PPP4R3B: variants seen among roughly 807,000 people sequenced by gnomAD.
PPP4R3B encodes protein phosphatase 4 regulatory subunit 3B.
A neutral mutation model predicts 95.4 loss-of-function variants in PPP4R3B; 52 were observed. The ratio of observed to expected loss-of-function variants is 0.54; its 90% confidence interval spans 0.44 to 0.69. The LOEUF is 0.69. PPP4R3B is among the 30% of genes least tolerant of loss of function. The pLI is 0.00. For synonymous variants in PPP4R3B, 407 were observed against 343.9 expected (o/e 1.18, Z -2.03); for missense variants, 1,003 against 1,005.9 (o/e 1.00, Z 0.04).
chr2:55,563,044 C>T (rs1314186070), intron 15 of PPP4R3B, among the ~76,000 whole-genome samples: 1 of 152,190 alleles, frequency 6.6e-6, no homozygotes, highest in Admixed American at 6.5e-5. Context: ...TTAACAGCAT[C>T]TCACTCAACA....
rs1689961248 is a variant in PPP4R3B at position 55,585,032 on chromosome 2, C to T, written c.1233+19G>A. 1.9e-6 allele frequency: 3 copies of T among 1,557,468 alleles called. No homozygotes were observed. The highest frequency in any genetic ancestry group is 2.3e-5 in the East Asian group (1 of 44,422). ...CACTCTACAGGTAATTCACATAGAACCACAGCATTATTACTTACGTCATCA... is the reference window on the plus strand; with the variant it reads ...CACTCTACAGGTAATTCACATAGAATCACAGCATTATTACTTACGTCATCA... On this transcript the variant is annotated intron_variant, in intron 7 of 16. Coordinates refer to ENST00000616407, the MANE Select transcript of PPP4R3B (RefSeq NM_001122964.3).
At position 55,585,136 on chromosome 2, in the gene PPP4R3B, G is replaced by C; in HGVS notation, c.1148C>G (p.Ala383Gly). Residue 383 changes from alanine to glycine, a missense_variant, in exon 7 of 17, where the codon GCT (alanine) becomes GGT (glycine). Coordinates refer to ENST00000616407, the MANE Select transcript of PPP4R3B (RefSeq NM_001122964.3). ...TACTAGATAAGAAAATATATCTGTAGCAGCTGATCTGACTTGCAAATCATC... is the reference window on the plus strand; with the variant it reads ...TACTAGATAAGAAAATATATCTGTACCAGCTGATCTGACTTGCAAATCATC... Reference protein sequence around the residue: ...GMDDLQVRSAATDIFSYLVEF... With the variant: ...GMDDLQVRSAGTDIFSYLVEF... The C allele has an allele frequency of 6.2e-7, 1 of 1,610,018 alleles. No homozygotes were observed. The highest frequency in any genetic ancestry group is 8.5e-7 in the Non-Finnish European group (1 of 1,178,494).
At chr2:55,612,854 G>A (rs782587) in intron 2 of PPP4R3B, among the ~76,000 whole-genome samples, 68,344 of 151,588 alleles carry the variant, frequency 0.45, 16,167 homozygotes, top group Non-Finnish European at 0.51. Context: ...GCTGAGGCAG[G>A]AGAATGGTGT....
intron 16 of PPP4R3B, among the ~76,000 whole-genome samples, chr2:55,550,384 C>T (rs1172042396): frequency 6.6e-6 from 1 of 152,148 alleles, no homozygotes; most frequent in Non-Finnish European, 1.5e-5. Flanking sequence ...CACAAGAAAG[C>T]CCCTTGTAGT....
intron 2 of PPP4R3B, 117 bp from the exon 3 acceptor site, chr2:55,604,193 T>C (rs1693066518): frequency 1.6e-6 from 1 of 615,688 alleles, no homozygotes; most frequent in South Asian, 2.9e-5. Context: ...CCGATATGAG[T>C]AATCAATGTA....
chr2:55,585,949 T>C (rs1469262489), intron 6 of PPP4R3B, among the ~76,000 whole-genome samples: 1 of 117,222 alleles, frequency 8.5e-6, no homozygotes, highest in Admixed American at 7.4e-5. Context: ...CTGTGTGACA[T>C]GATATCACCA....
Position 55,547,831 on chromosome 2 carries a change from T to A in PPP4R3B, c.*2080A>T, listed in dbSNP as rs150373068. On this transcript the variant is annotated 3_prime_UTR_variant, in exon 17 of 17. Transcript: ENST00000616407. Reference sequence around the variant, plus strand: ...CAGCTACTCAGGCTGAGGCAGAGAATTGCTTGAACCCAGGTGGCGGATGTT... The same window carrying A: ...CAGCTACTCAGGCTGAGGCAGAGAAATGCTTGAACCCAGGTGGCGGATGTT... 6.6e-6 allele frequency: 1 copy of A among 152,136 alleles called. No homozygotes were observed. Among genetic ancestry groups the A allele is most frequent in the Admixed American group, 6.5e-5 (1 of 15,276 alleles). The allele number at this position is 152,136 out of a possible 1,614,324, so 9.4% of individuals were successfully genotyped here.
chr2:55,552,922 A>C (rs1167432272), intron 16 of PPP4R3B, among the ~76,000 whole-genome samples: 5 of 152,148 alleles, frequency 3.3e-5, no homozygotes, highest in Non-Finnish European at 2.9e-5. Flanking sequence ...GATTTGTCTT[A>C]AGAAAACCCC....
chr2:55,574,131 G>A lies in PPP4R3B; in HGVS notation c.1607-354C>T, dbSNP rs577092545. Among the ~76,000 whole-genome samples, 12 of 151,446 alleles carry A rather than the reference G, an allele frequency of 7.9e-5. 1 individual carries two copies. The highest frequency in any genetic ancestry group is 7.4e-5 in the Non-Finnish European group (5 of 67,872). On this transcript the variant is annotated intron_variant, in intron 11 of 16. Transcript: ENST00000616407. ...TGGTCTCAAACTCCTGGACTCAAGC[G>A]ATGCTCTCACCTGAGCCTCCCAAAG... is the stretch of plus-strand genomic sequence containing the variant.
intron 16 of PPP4R3B, among the ~76,000 whole-genome samples, chr2:55,551,664 T>C (rs756193382): frequency 3.0e-4 from 45 of 151,486 alleles, no homozygotes; most frequent in Admixed American, 9.9e-4. Flanking sequence ...GGCAGGAGAA[T>C]TGCTTGAACC....
At chr2:55,574,151 C>G (rs1216115857) in intron 11 of PPP4R3B, among the ~76,000 whole-genome samples, 1 of 151,688 alleles carries the variant, frequency 6.6e-6, no homozygotes, top group Non-Finnish European at 1.5e-5. Flanking sequence ...CCTGAGCCTC[C>G]CAAAGTGCTG....
At chr2:55,590,489 T>G (rs1690857768) in intron 4 of PPP4R3B, among the ~76,000 whole-genome samples, 1 of 152,192 alleles carries the variant, frequency 6.6e-6, no homozygotes, top group Non-Finnish European at 1.5e-5. Context: ...AGTGATTTTC[T>G]TTTTGGTTAT....
chr2:55,573,532 T>C (rs1346803572), intron 12 of PPP4R3B, 87 bp downstream of exon 12: 9 of 1,199,430 alleles, frequency 7.5e-6, no homozygotes, highest in Non-Finnish European at 1.0e-5. Context: ...ATTCATAGAA[T>C]ATACACTGCT....
chr2:55,603,365 A>G (rs1323455039), intron 3 of PPP4R3B, among the ~76,000 whole-genome samples: 1 of 152,222 alleles, frequency 6.6e-6, no homozygotes, highest in Non-Finnish European at 1.5e-5. Context: ...ACTAGAATAA[A>G]TTATCCACCA....
chr2:55,596,392 T>C (rs1048088552), intron 4 of PPP4R3B, among the ~76,000 whole-genome samples: 7 of 152,240 alleles, frequency 4.6e-5, no homozygotes, highest in African/African-American at 1.7e-4. Context: ...GCAACAACTG[T>C]TCGAGAATGA....
intron 16 of PPP4R3B, among the ~76,000 whole-genome samples, chr2:55,551,775 A>G (rs1031387606): frequency 1.3e-5 from 2 of 152,050 alleles, no homozygotes; most frequent in South Asian, 2.1e-4. Flanking sequence ...TAAATAAATA[A>G]ATAGATAACC....
chr2:55,585,213 T>A, intron 6 of PPP4R3B, 46 bp from the exon 7 acceptor site: 1 of 1,375,422 alleles, frequency 7.3e-7, no homozygotes, highest in Non-Finnish European at 1.0e-6. Context: ...TAACAAAAGT[T>A]ATTCTCACAT....
At chr2:55,613,053 G>C (rs1694397126) in intron 2 of PPP4R3B, among the ~76,000 whole-genome samples, 1 of 152,120 alleles carries the variant, frequency 6.6e-6, no homozygotes, top group South Asian at 2.1e-4. Context: ...TGAGGCTGCA[G>C]TGAGCTGTGA....
At chr2:55,550,045 TAAC>T in intron 16 of PPP4R3B, 39 bp from the exon 17 acceptor site, 1 of 1,419,060 alleles carries the variant, frequency 7.0e-7, no homozygotes. Context: ...TAAACATATA[TAAC>T]AAAAAAGAGC....
Sources: gnomAD v4.1 joint callset for allele counts (sites outside exome capture counted in the v4.1 genomes callset) on GRCh38, gnomAD v4.1.1 for gene constraint, MANE v1.5 for transcripts, NCBI Gene and HGNC (gene_info 2026-07-23, HGNC 2026-07-21) for gene names.